VIPR2: variants seen among roughly 807,000 people sequenced by gnomAD.
The protein encoded by VIPR2 is vasoactive intestinal polypeptide receptor 2.
Under a neutral mutation model 58.0 loss-of-function variants are expected in VIPR2, and 48 were observed. The observed-to-expected ratio is 0.83, with a 90% CI of 0.66 to 1.05. The LOEUF is 1.05. Among genes scored for constraint, VIPR2 ranks in the 50% least tolerant of loss-of-function variants. The pLI, the probability that VIPR2 is intolerant of heterozygous loss-of-function variation, is 0.00. For synonymous variants in VIPR2, 243 were observed against 235.2 expected, an observed-to-expected ratio of 1.03 and a Z score of -0.30; for missense variants, 534 against 558.0, an observed-to-expected ratio of 0.96 and a Z score of 0.43.
At chr7:159,048,438 A>C (rs1310864302) in intron 5 of VIPR2, among the ~76,000 whole-genome samples, 1 of 152,246 alleles carries the variant, frequency 6.6e-6, no homozygotes, top group Non-Finnish European at 1.5e-5. Context: ...GTATGTTTGA[A>C]CAACTTTTTC....
chr7:159,105,217 C>A (rs1426964839), intron 3 of VIPR2, among the ~76,000 whole-genome samples: 1 of 152,154 alleles, frequency 6.6e-6, no homozygotes, highest in African/African-American at 2.4e-5. Flanking sequence ...CAGCCTTGCC[C>A]CGAGCATGGC....
At chr7:159,035,324 G>T (rs6949062) in intron 8 of VIPR2, among the ~76,000 whole-genome samples, 17,478 of 152,230 alleles carry the variant, frequency 0.11, 1,077 homozygotes, top group Middle Eastern at 0.19. Flanking sequence ...AGTCCTCAAA[G>T]CTGCTGAGTC....
In VIPR2 at chr7:159,128,823, C is replaced by T. The variant is rs1052686021; in HGVS notation, c.151+13623G>A. Among the ~76,000 whole-genome samples the T allele has an allele frequency of 2.6e-5, 4 of 152,204 alleles. No homozygotes were observed. Among genetic ancestry groups the T allele is most frequent in the Admixed American group, 6.5e-5 (1 of 15,280 alleles). ...TGGTCTCAGCTCTGCAGGTTGGGCA[C>T]GCTAACTGCTCTTCTCCCTCAACTG... On this transcript the variant is annotated intron_variant, in intron 2 of 12. Transcript: ENST00000262178. The surrounding 1 kb of genome is among the most constrained non-coding windows in gnomAD (Gnocchi z 4.1).
At chr7:159,049,490 G>T (rs1427120986) in intron 5 of VIPR2, among the ~76,000 whole-genome samples, 2 of 152,206 alleles carry the variant, frequency 1.3e-5, no homozygotes, top group African/African-American at 4.8e-5. Context: ...AGGGTGTTCA[G>T]AAAGGACAAG....
intron 2 of VIPR2, chr7:159,117,450 C>T (rs374732603): frequency 1.0e-4 from 74 of 716,626 alleles, no homozygotes; most frequent in African/African-American, 5.2e-4. Flanking sequence ...AACATAGTGC[C>T]GCACCACACA....
At chr7:159,115,166 G>T (rs1242132997) in intron 2 of VIPR2, among the ~76,000 whole-genome samples, 1 of 152,252 alleles carries the variant, frequency 6.6e-6, no homozygotes, top group African/African-American at 2.4e-5. Flanking sequence ...ATGCTCCGCA[G>T]TGGAACTTGG....
At position 159,043,003 on chromosome 7, in the gene VIPR2, A is replaced by G. The variant is rs1854438418; in HGVS notation, c.597+32T>C. On this transcript the variant is annotated intron_variant, in intron 6 of 12. Coordinates refer to ENST00000262178, the MANE Select transcript of VIPR2 (RefSeq NM_003382.5). ...GAGGGAACAGAGATAAAGGGACAAGACAGTGGGACCCTGTGGTGGGGACAG... is the reference window on the plus strand; with the variant it reads ...GAGGGAACAGAGATAAAGGGACAAGGCAGTGGGACCCTGTGGTGGGGACAG... 5.6e-6 allele frequency: 9 copies of G among 1,609,468 alleles called. No homozygotes were observed. The East Asian group carries it at 1.8e-4, about 32-fold the overall frequency.
At chr7:159,041,404 ACTGAGGGTCTGTCGAGGGTC>A (rs1206034215) in intron 6 of VIPR2, among the ~76,000 whole-genome samples, 18 of 152,022 alleles carry the variant, frequency 1.2e-4, no homozygotes, top group South Asian at 6.2e-4. Context: ...GCTGGGGTCC[ACTGAGGGTCTGTCGAGGGTC>A]CTGAGGGTCT....
At chr7:159,055,032 G>A (rs1301500264) in intron 5 of VIPR2, among the ~76,000 whole-genome samples, 1 of 152,188 alleles carries the variant, frequency 6.6e-6, no homozygotes, top group African/African-American at 2.4e-5. Context: ...GAATATAACA[G>A]CAGCATTATT....
At position 159,030,792 on chromosome 7, in the gene VIPR2, G is replaced by C; in HGVS notation, c.1144-3C>G. ...TTTCGCTTCAGCTCGCACTGCACCTGGGAGGTGAGGGCAGCGGGAACGCCC... is the reference window on the plus strand; with the variant it reads ...TTTCGCTTCAGCTCGCACTGCACCTCGGAGGTGAGGGCAGCGGGAACGCCC... On this transcript the variant is annotated splice_polypyrimidine_tract_variant and splice_region_variant and intron_variant, in intron 12 of 12. Transcript: ENST00000262178. 4 of 1,572,996 alleles carry C rather than the reference G, an allele frequency of 2.5e-6. No homozygotes were observed. The highest frequency in any genetic ancestry group is 3.5e-6 in the Non-Finnish European group (4 of 1,158,046).
intron 4 of VIPR2, among the ~76,000 whole-genome samples, chr7:159,062,059 G>A (rs1232163496): frequency 6.6e-6 from 1 of 152,240 alleles, no homozygotes; most frequent in Non-Finnish European, 1.5e-5. Context: ...CGAGGTGTGG[G>A]GTCTTCAGGC....
At chr7:159,141,676 T>C (rs1281891236) in intron 2 of VIPR2, among the ~76,000 whole-genome samples, 3 of 152,286 alleles carry the variant, frequency 2.0e-5, no homozygotes, top group African/African-American at 7.2e-5. Flanking sequence ...TGCTTCTTTT[T>C]ACTCATTGTA....
chr7:159,044,590 CA>C (rs59565673), intron 5 of VIPR2, among the ~76,000 whole-genome samples: 118,339 of 142,236 alleles, frequency 0.83, 50,232 homozygotes, highest in East Asian at 0.98. Flanking sequence ...TTAAAGAGTG[CA>C]AAAAAAAAAA....
intron 2 of VIPR2, among the ~76,000 whole-genome samples, chr7:159,140,398 C>T (rs1797415069): frequency 6.6e-6 from 1 of 152,208 alleles, no homozygotes; most frequent in Non-Finnish European, 1.5e-5. Context: ...TAACTTACTT[C>T]TATTTACATC....
intron 6 of VIPR2, among the ~76,000 whole-genome samples, chr7:159,041,516 C>A (rs7787797): frequency 9.4e-6 from 1 of 106,748 alleles, no homozygotes; most frequent in Non-Finnish European, 2.0e-5. Flanking sequence ...CTGTCATGGG[C>A]CACTGCTTTC....
intron 5 of VIPR2, among the ~76,000 whole-genome samples, chr7:159,057,256 T>C (rs1026587023): frequency 6.6e-6 from 1 of 152,164 alleles, no homozygotes; most frequent in African/African-American, 2.4e-5. Flanking sequence ...AGTAAACATA[T>C]ATAGTAAATT....
intron 4 of VIPR2, among the ~76,000 whole-genome samples, chr7:159,102,617 G>C (rs1368593743): frequency 1.3e-5 from 2 of 152,180 alleles, no homozygotes; most frequent in Non-Finnish European, 2.9e-5. Context: ...GAGCAAAGGA[G>C]GCCTCTGTAA....
At chr7:159,123,393 G>C (rs973479797) in intron 2 of VIPR2, among the ~76,000 whole-genome samples, 1 of 150,932 alleles carries the variant, frequency 6.6e-6, no homozygotes, top group South Asian at 2.1e-4. Flanking sequence ...ACTTACAAGT[G>C]AGAATGTGTA....
chr7:159,143,238 T>C (rs187473223), intron 1 of VIPR2, among the ~76,000 whole-genome samples: 39 of 152,326 alleles, frequency 2.6e-4, no homozygotes, highest in Admixed American at 3.3e-4. Context: ...AACTACACAA[T>C]GCTTCCTCTC....
Sources: gnomAD v4.1 joint callset for allele counts (sites outside exome capture counted in the v4.1 genomes callset) on GRCh38, gnomAD v4.1.1 for gene constraint, Gnocchi (gnomAD v3.1) non-coding constraint, MANE v1.5 for transcripts, NCBI Gene and HGNC (gene_info 2026-07-23, HGNC 2026-07-21) for gene names.